The following FAM76A variants were observed in gnomAD, a reference collection of about 807,000 sequenced individuals.
FAM76A encodes the protein family with sequence similarity 76 member A.
Under a neutral mutation model 46.2 loss-of-function variants are expected in FAM76A, and 32 were observed. The ratio of observed to expected loss-of-function variants is 0.69; its 90% CI spans 0.52 to 0.93. The LOEUF is 0.93. FAM76A is among the 40% of genes least tolerant of loss of function. The pLI is 0.00. For synonymous variants in FAM76A, 137 were observed against 127.0 expected (o/e 1.08, Z -0.53); for missense variants, 274 against 361.5 (o/e 0.76, Z 1.96).
Position 27,727,023 on chromosome 1 carries a change from A to G in FAM76A, c.82-449A>G, listed in dbSNP as rs201264541. Among the ~76,000 whole-genome samples the G allele has an allele frequency of 2.0e-5, 3 of 152,282 alleles. No homozygotes were observed. The East Asian group carries it at 5.8e-4, about 29-fold the overall frequency. ...TGACTTTCCATTTGCCAGTTTTTATATACCAGGTCTGGGGGAATGCAAGTG... is the reference window on the plus strand; with the variant it reads ...TGACTTTCCATTTGCCAGTTTTTATGTACCAGGTCTGGGGGAATGCAAGTG... On this transcript the variant is annotated intron_variant, in intron 1 of 8. Coordinates refer to ENST00000373954, the MANE Select transcript of FAM76A (RefSeq NM_152660.3).
chr1:27,744,784 G>A lies in FAM76A; in HGVS notation c.485G>A (p.Arg162His), dbSNP rs748057085. The change falls in exon 5 of 9, where the codon CGC becomes CAC. Residue 162 changes from arginine (R) to histidine (H), a missense_variant. Arg to His is a conservative substitution (Grantham distance 29). Transcript: ENST00000373954. ...AGHQEKEQYSRLSGGGHYNSQ... is the reference protein window; with the variant it reads ...AGHQEKEQYSHLSGGGHYNSQ... ...CACCAGGAGAAGGAGCAGTATAGTC[G>A]CCTGAGTGGTGGTGGCCATTATAAC... 2.5e-6 allele frequency: 4 copies of A among 1,614,140 alleles called. No homozygotes were observed. Among genetic ancestry groups the A allele is most frequent in the East Asian group, 2.2e-5 (1 of 44,882 alleles).
chr1:27,740,409 A>T lies in FAM76A; in HGVS notation c.355-4245A>T, dbSNP rs2088131434. The T allele has an allele frequency of 5.7e-6, 8 of 1,399,832 alleles. No individual in the cohort carries two copies. In the Admixed American group the frequency reaches 1.4e-4, roughly 24 times the overall value. The allele number at this position is 1,399,832 out of a possible 1,614,324, so 86.7% of individuals were successfully genotyped here. ...TGGAAGGCAGAAATTCATGGATGAT[A>T]TGGTGCCAAACATTCACTGGTTGAG... On this transcript the variant is annotated intron_variant, in intron 4 of 8. Transcript: ENST00000373954.
chr1:27,735,237 G>A (rs1208707454), intron 4 of FAM76A, among the ~76,000 whole-genome samples: 5 of 152,194 alleles, frequency 3.3e-5, no homozygotes, highest in African/African-American at 4.8e-5. Context: ...CCTGCTCACA[G>A]TGACCTTTTA....
intron 2 of FAM76A, 54 bp from the exon 3 acceptor site, chr1:27,732,549 G>T: frequency 6.5e-7 from 1 of 1,531,774 alleles, no homozygotes; most frequent in East Asian, 2.3e-5. Context: ...GCTTAAGGAG[G>T]TATCAGTTTT....
At chr1:27,745,626 T>A (rs1381870701) in intron 5 of FAM76A, among the ~76,000 whole-genome samples, 1 of 152,292 alleles carries the variant, frequency 6.6e-6, no homozygotes, top group Non-Finnish European at 1.5e-5. Context: ...GATCTTAGTA[T>A]AATGTAACGG....
intron 7 of FAM76A, among the ~76,000 whole-genome samples, chr1:27,757,820 CAA>C (rs555032335): frequency 2.6e-5 from 4 of 152,034 alleles, no homozygotes; most frequent in Admixed American, 2.0e-4. Context: ...ACTAAAAATA[CAA>C]AAAAATTAGC....
intron 5 of FAM76A, among the ~76,000 whole-genome samples, chr1:27,745,652 C>T (rs992735124): frequency 6.6e-6 from 1 of 152,046 alleles, no homozygotes; most frequent in Non-Finnish European, 1.5e-5. Flanking sequence ...ACAGTGGAAA[C>T]GTGTCAAGAA....
intron 5 of FAM76A, 89 bp downstream of exon 5, chr1:27,744,900 C>T: frequency 7.9e-7 from 1 of 1,271,040 alleles, no homozygotes; most frequent in Non-Finnish European, 1.1e-6. Flanking sequence ...ACTACCATCT[C>T]ATATACATTT....
Position 27,730,373 on chromosome 1 carries a change from A to G in FAM76A, c.147-2230A>G, listed in dbSNP as rs1933888. 7,147 of 151,328 alleles carry G rather than the reference A, an allele frequency of 0.047. 405 individuals are homozygous for G. Among genetic ancestry groups the G allele is most frequent in the East Asian group, 0.26 (1,316 of 5,120 alleles). The allele number at this position is 151,328 out of a possible 1,614,324, so 9.4% of individuals were successfully genotyped here. ...AACTAATTTTGTATTTTTAGTAGAG[A>G]TGGGGTTTCTCCTTGTTAATCAGGC... On this transcript the variant is annotated intron_variant, in intron 2 of 8. Coordinates refer to ENST00000373954, the MANE Select transcript of FAM76A (RefSeq NM_152660.3).
intron 6 of FAM76A, among the ~76,000 whole-genome samples, chr1:27,750,363 C>G (rs973912890): frequency 3.9e-5 from 6 of 152,174 alleles, no homozygotes; most frequent in African/African-American, 1.4e-4. Context: ...AGTCAGATTA[C>G]ATGGGGGGAG....
intron 6 of FAM76A, among the ~76,000 whole-genome samples, chr1:27,751,329 T>C (rs1472122480): frequency 6.6e-6 from 1 of 152,184 alleles, no homozygotes; most frequent in Non-Finnish European, 1.5e-5. Flanking sequence ...TTGCATTTCT[T>C]TTTTTTAAAT....
Position 27,763,115 on chromosome 1 carries a change from A to C in FAM76A, c.*2534A>C, listed in dbSNP as rs1287515477. On this transcript the variant is annotated 3_prime_UTR_variant, in exon 9 of 9. Transcript: ENST00000373954. ...TGTTAATAAAAATTCATATTGACTC[A>C]AGTGTAATTGTTGGATTTTGTTTTT... 1.3e-5 allele frequency: 2 copies of C among 152,174 alleles called. No individual in the cohort carries two copies. Among genetic ancestry groups the C allele is most frequent in the African/African-American group, 2.4e-5 (1 of 41,442 alleles). The allele number at this position is 152,174 out of a possible 1,614,324, so 9.4% of individuals were successfully genotyped here. A position where few individuals can be genotyped will look rare whatever the true frequency, so the allele number is the denominator to read the frequency against.
chr1:27,733,793 T>C (rs991896327), intron 3 of FAM76A, among the ~76,000 whole-genome samples: 2 of 151,948 alleles, frequency 1.3e-5, no homozygotes, highest in Non-Finnish European at 2.9e-5. Flanking sequence ...GAGGTTGCAT[T>C]GAGCTGAGAT....
intron 5 of FAM76A, among the ~76,000 whole-genome samples, chr1:27,746,340 T>C (rs1014060941): frequency 5.3e-5 from 8 of 152,170 alleles, no homozygotes; most frequent in African/African-American, 1.9e-4. Flanking sequence ...GGTCTAGTTT[T>C]GGAAAGTTGA....
intron 4 of FAM76A, among the ~76,000 whole-genome samples, chr1:27,742,842 C>T (rs949225554): frequency 3.3e-5 from 5 of 151,966 alleles, no homozygotes; most frequent in African/African-American, 1.2e-4. Flanking sequence ...GGGCAGATCA[C>T]GAGGTCAGGA....
intron 4 of FAM76A, among the ~76,000 whole-genome samples, chr1:27,740,893 C>T (rs2088139834): frequency 6.6e-6 from 1 of 151,870 alleles, no homozygotes; most frequent in Admixed American, 6.6e-5. Context: ...CTTTGGGAGG[C>T]CGAGGAGGGA....
rs544159985 is a variant in FAM76A, at chr1:27,731,907, C to T, written c.147-696C>T. Among the ~76,000 whole-genome samples the T allele has an allele frequency of 1.2e-4, 19 of 152,202 alleles. No individual in the cohort carries two copies. In the East Asian group the frequency reaches 1.4e-3, roughly 11 times the overall value. Reference sequence around the variant, plus strand: ...TGAGGTCTCGGCTTACTGCAACCTCCGCCTCCCGGGTTCAAGTGATTCTCT... The same window carrying T: ...TGAGGTCTCGGCTTACTGCAACCTCTGCCTCCCGGGTTCAAGTGATTCTCT... On this transcript the variant is annotated intron_variant, in intron 2 of 8. Transcript: ENST00000373954.
At chr1:27,750,526 C>G (rs903369107) in intron 6 of FAM76A, among the ~76,000 whole-genome samples, 6 of 152,212 alleles carry the variant, frequency 3.9e-5, no homozygotes, top group African/African-American at 1.4e-4. Context: ...ACTTTTTGAA[C>G]ACCCTGCTTT....
intron 6 of FAM76A, among the ~76,000 whole-genome samples, chr1:27,754,558 G>A (rs553954617): frequency 5.9e-5 from 9 of 152,106 alleles, no homozygotes; most frequent in South Asian, 4.1e-4. Flanking sequence ...TCTTTGTTCC[G>A]TTACTAAAGC....
Sources: allele counts gnomAD v4.1 joint callset (sites outside exome capture counted in the v4.1 genomes callset), GRCh38; gene constraint gnomAD v4.1.1; transcripts MANE v1.5; gene names NCBI Gene and HGNC (gene_info 2026-07-23, HGNC 2026-07-21).